The following RBFOX3 variants were observed in gnomAD, a reference collection of about 807,000 sequenced individuals.
RBFOX3 encodes RNA binding fox-1 homolog 3, also known as RNA binding protein fox-1 homolog 3.
Under a neutral mutation model 48.7 loss-of-function variants are expected in RBFOX3, and 17 were observed. The observed-to-expected ratio is 0.35, with a 90% CI of 0.24 to 0.52. RBFOX3 has a LOEUF of 0.52. Ranked by LOEUF, RBFOX3 falls within the 20% of genes least tolerant of loss-of-function variation. RBFOX3 has a pLI of 0.94. For synonymous variants in RBFOX3, 212 were observed against 209.5 expected (o/e 1.01, Z -0.10); for missense variants, 382 against 497.5 (o/e 0.77, Z 2.21).
intron 4 of RBFOX3, among the ~76,000 whole-genome samples, chr17:79,186,771 G>A (rs1410047165): frequency 2.6e-5 from 4 of 152,344 alleles, no homozygotes; most frequent in East Asian, 1.9e-4. Context: ...TTATTTCTGC[G>A]CTCCTGGGCA....
chr17:79,443,207 C>G lies in RBFOX3; in HGVS notation c.-175+39247G>C, dbSNP rs1555736099. On this transcript the variant is annotated intron_variant, in intron 2 of 14. Transcript: ENST00000693108. This position sits in a 1 kb window ranked among gnomAD's most constrained non-coding sequence, Gnocchi z 4.4. ...AGCCGAAGGGGCCCAGCGTCCAGTC[C>G]AATCCTGGGTGCTGCCAAGTCCCCT... is the stretch of plus-strand genomic sequence containing the variant. Among the ~76,000 whole-genome samples, 1 of 152,226 alleles carries G rather than the reference C, an allele frequency of 6.6e-6. No homozygotes were observed. The highest frequency in any genetic ancestry group is 1.5e-5 in the Non-Finnish European group (1 of 68,026).
At chr17:79,096,587 C>A (rs1599391282) in intron 12 of RBFOX3, 66 bp downstream of exon 12, 14 of 1,401,090 alleles carry the variant, frequency 1.0e-5, no homozygotes, top group East Asian at 1.0e-4. Flanking sequence ...AGAGGAGACG[C>A]CGACTTCTCA....
intron 4 of RBFOX3, among the ~76,000 whole-genome samples, chr17:79,201,647 G>C (rs952309203): frequency 2.6e-5 from 4 of 152,196 alleles, no homozygotes; most frequent in African/African-American, 9.7e-5. Flanking sequence ...AAGTGCTTCT[G>C]ACAGGTGTAT....
intron 2 of RBFOX3, among the ~76,000 whole-genome samples, chr17:79,380,651 C>T (rs753461307): frequency 2.0e-5 from 3 of 152,172 alleles, no homozygotes; most frequent in Non-Finnish European, 2.9e-5. Context: ...GGCTGGAAAT[C>T]GTGGGGCACC....
chr17:79,506,864 A>C (rs1555778978), intron 1 of RBFOX3, among the ~76,000 whole-genome samples: 1 of 152,206 alleles, frequency 6.6e-6, no homozygotes, highest in South Asian at 2.1e-4. Flanking sequence ...ACCCTTCTCC[A>C]GTGCCCCCAC....
chr17:79,237,628 G>T (rs994639452), intron 3 of RBFOX3, among the ~76,000 whole-genome samples: 6 of 152,218 alleles, frequency 3.9e-5, no homozygotes, highest in African/African-American at 1.4e-4. Flanking sequence ...GATCACAGTG[G>T]CAGTATTGGG....
At chr17:79,150,041 T>TGGGGGTTGAGGGTGGGGGGTGGGGGG (rs1240167075) in intron 4 of RBFOX3, among the ~76,000 whole-genome samples, 4 of 1,744 alleles carry the variant, frequency 2.3e-3, no homozygotes, top group Non-Finnish European at 2.8e-3. Flanking sequence ...GGGGTGGGGG[T>TGGGGGTTGAGGGTGGGGGGTGGGGGG]GGGGGATGGG....
chr17:79,140,614 G>A (rs372229742), intron 4 of RBFOX3, among the ~76,000 whole-genome samples: 4 of 152,240 alleles, frequency 2.6e-5, no homozygotes, highest in Admixed American at 6.5e-5. Flanking sequence ...CCCACAGCTC[G>A]GAAGCACAGC....
intron 2 of RBFOX3, among the ~76,000 whole-genome samples, chr17:79,357,291 A>G (rs1305421309): frequency 6.6e-6 from 1 of 152,208 alleles, no homozygotes; most frequent in Non-Finnish European, 1.5e-5. Flanking sequence ...CAAAACAAAC[A>G]CTAGCCAGGA....
the RBFOX3 span, among the ~76,000 whole-genome samples, chr17:79,662,132 C>CTTTTTTTTTTTTTTTTTTTT: frequency 7.9e-4 from 77 of 96,858 alleles, 13 homozygotes; most frequent in East Asian, 2.5e-3. Flanking sequence ...CCTGTTTATT[C>CTTTTTTTTTTTTTTTTTTTT]TTTTTTTTTT....
In RBFOX3 at chr17:79,348,678, T is replaced by C. The variant is rs199994418; in HGVS notation, c.-174-40854A>G. Reference sequence around the variant, plus strand: ...TCACTGCAACCTCCGCCTCCTGGGTTCAAGTGATTCTCCTGCCTCAGCTTC... The same window carrying C: ...TCACTGCAACCTCCGCCTCCTGGGTCCAAGTGATTCTCCTGCCTCAGCTTC... On this transcript the variant is annotated intron_variant, in intron 2 of 14. Transcript: ENST00000693108. 7.3e-4 allele frequency among the ~76,000 whole-genome samples: 107 copies of C among 146,362 alleles called. 3 individuals are homozygous for C. In the East Asian group the frequency reaches 0.019, roughly 26 times the overall value.
chr17:79,616,886 G>A, the RBFOX3 span, among the ~76,000 whole-genome samples: 7 of 152,192 alleles, frequency 4.6e-5, no homozygotes, highest in Non-Finnish European at 7.3e-5. Flanking sequence ...AGGTCACAAG[G>A]AGACCTTGGA....
At chr17:79,179,267 C>T (rs1386438127) in intron 4 of RBFOX3, among the ~76,000 whole-genome samples, 3 of 152,242 alleles carry the variant, frequency 2.0e-5, no homozygotes, top group Admixed American at 6.5e-5. Flanking sequence ...TGCCCCTCGG[C>T]GGAGCCTTTG....
At chr17:79,141,844 C>T (rs934135122) in intron 4 of RBFOX3, among the ~76,000 whole-genome samples, 4 of 152,194 alleles carry the variant, frequency 2.6e-5, no homozygotes, top group South Asian at 2.1e-4. Flanking sequence ...CGAAAGTGAG[C>T]GTTATCTATA....
At chr17:79,123,868 A>C (rs2036445663) in intron 4 of RBFOX3, among the ~76,000 whole-genome samples, 1 of 152,168 alleles carries the variant, frequency 6.6e-6, no homozygotes, top group African/African-American at 2.4e-5. Flanking sequence ...CTCTGTGTCC[A>C]CTGCCTCGCG....
At chr17:79,640,732 A>G in the RBFOX3 span, among the ~76,000 whole-genome samples, 4 of 152,170 alleles carry the variant, frequency 2.6e-5, no homozygotes, top group Non-Finnish European at 1.5e-5. Context: ...ACTGGTGTTT[A>G]AAAAAACTGA....
chr17:79,122,968 C>T (rs1043719701), intron 4 of RBFOX3, among the ~76,000 whole-genome samples: 21 of 152,060 alleles, frequency 1.4e-4, no homozygotes, highest in African/African-American at 4.6e-4. Flanking sequence ...AGACAAACAT[C>T]GCATGTTCTC....
chr17:79,181,472 G>A (rs2051924324), intron 4 of RBFOX3, among the ~76,000 whole-genome samples: 1 of 152,218 alleles, frequency 6.6e-6, no homozygotes, highest in Non-Finnish European at 1.5e-5. Context: ...GGAATTTAGG[G>A]CAATGGCCAT....
In RBFOX3 at chr17:79,477,434, T is replaced by C. The variant is rs1189279932; in HGVS notation, c.-175+5020A>G. ...AGCCAGACGTGGTGGCGGGCGCCTGTAGTCCCAGCTACTTGGGAGGCTGAG... is the reference window on the plus strand; with the variant it reads ...AGCCAGACGTGGTGGCGGGCGCCTGCAGTCCCAGCTACTTGGGAGGCTGAG... On this transcript the variant is annotated intron_variant, in intron 2 of 14. Transcript: ENST00000693108. This position sits in a 1 kb window ranked among gnomAD's most constrained non-coding sequence, Gnocchi z 4.8. Among the ~76,000 whole-genome samples, 1 of 151,718 alleles carries C rather than the reference T, an allele frequency of 6.6e-6. No individual in the cohort carries two copies. Among genetic ancestry groups the C allele is most frequent in the South Asian group, 2.1e-4 (1 of 4,812 alleles).
Sources: gnomAD v4.1 joint callset for allele counts (sites outside exome capture counted in the v4.1 genomes callset) on GRCh38, gnomAD v4.1.1 for gene constraint, Gnocchi (gnomAD v3.1) non-coding constraint, MANE v1.5 for transcripts, NCBI Gene and HGNC (gene_info 2026-07-23, HGNC 2026-07-21) for gene names.